The following ZNF532 variants were observed in gnomAD, a reference collection of about 807,000 sequenced individuals.
ZNF532 encodes the protein zinc finger protein 532.
In ZNF532, 22 loss-of-function variants were observed where a neutral mutation model predicts 89.3. The ratio of observed to expected loss-of-function variants is 0.25; its 90% CI spans 0.18 to 0.35. The LOEUF (loss-of-function observed/expected upper bound fraction) is 0.35, where lower values mean the gene tolerates loss of function less well. ZNF532 is among the 10% of genes least tolerant of loss of function. ZNF532 has a pLI of 1.00. For synonymous variants in ZNF532, 606 were observed against 649.6 expected, an observed-to-expected ratio of 0.93 and a Z score of 1.02; for missense variants, 1,132 against 1,643.4, an observed-to-expected ratio of 0.69 and a Z score of 5.38.
At chr18:58,946,582 T>C (rs1388733997) in intron 5 of ZNF532, among the ~76,000 whole-genome samples, 1 of 152,184 alleles carries the variant, frequency 6.6e-6, no homozygotes, top group Non-Finnish European at 1.5e-5. Context: ...TAGTTTTCTA[T>C]TTAACCACTT....
At chr18:58,877,328 G>C (rs118126323) in intron 2 of ZNF532, among the ~76,000 whole-genome samples, 1,823 of 152,320 alleles carry the variant, frequency 0.012, 13 homozygotes, top group Middle Eastern at 0.02. Flanking sequence ...CTGTCCTGGG[G>C]AAGGTTGCCT....
chr18:58,873,445 G>C (rs1198617559), intron 2 of ZNF532, among the ~76,000 whole-genome samples: 2 of 151,596 alleles, frequency 1.3e-5, no homozygotes, highest in Non-Finnish European at 2.9e-5. Context: ...TGATTTTGCT[G>C]ATTTTTTTTT....
intron 2 of ZNF532, among the ~76,000 whole-genome samples, chr18:58,904,582 A>C (rs952622615): frequency 6.6e-6 from 1 of 152,076 alleles, no homozygotes; most frequent in Non-Finnish European, 1.5e-5. Context: ...AGAGAGAAAT[A>C]ATTTCTTTCC....
At chr18:58,958,880 T>C (rs2065051834) in intron 7 of ZNF532, among the ~76,000 whole-genome samples, 1 of 152,252 alleles carries the variant, frequency 6.6e-6, no homozygotes, top group Admixed American at 6.5e-5. Flanking sequence ...CACAGAGTTT[T>C]ACATACAATT....
chr18:58,891,452 C>T (rs1448180886), intron 2 of ZNF532, among the ~76,000 whole-genome samples: 4 of 152,184 alleles, frequency 2.6e-5, no homozygotes, highest in Non-Finnish European at 5.9e-5. Context: ...ATCACCTGAA[C>T]CCAGGAGGCA....
chr18:58,910,380 A>G (rs2060205567), intron 2 of ZNF532, among the ~76,000 whole-genome samples: 1 of 152,216 alleles, frequency 6.6e-6, no homozygotes, highest in African/African-American at 2.4e-5. Flanking sequence ...ATGAATGACC[A>G]AAATTACAGT....
chr18:58,944,749 A>G (rs550341815), intron 5 of ZNF532, among the ~76,000 whole-genome samples: 7 of 152,340 alleles, frequency 4.6e-5, no homozygotes, highest in African/African-American at 9.6e-5. Context: ...TTTAAAAAAA[A>G]AATCAGCTGC....
At chr18:58,963,298 G>A (rs1223519441) in intron 7 of ZNF532, among the ~76,000 whole-genome samples, 2 of 152,096 alleles carry the variant, frequency 1.3e-5, no homozygotes, top group Non-Finnish European at 2.9e-5. Context: ...TCCATACAGG[G>A]TGCAGGTGAT....
intron 7 of ZNF532, among the ~76,000 whole-genome samples, chr18:58,978,040 A>ATAACCAAAGAATTTGTTTT (rs2147624780): frequency 6.6e-6 from 1 of 152,352 alleles, no homozygotes; most frequent in African/African-American, 2.4e-5. Context: ...TATGCATGTC[A>ATAACCAAAGAATTTGTTTT]TAACCAAAGA....
chr18:58,922,079 C>T (rs1248113978), intron 3 of ZNF532, among the ~76,000 whole-genome samples: 1 of 151,912 alleles, frequency 6.6e-6, no homozygotes, highest in Non-Finnish European at 1.5e-5. Flanking sequence ...GGCACTCCAG[C>T]CTCAGGTGAC....
chr18:58,872,641 T>TA (rs1380801236), intron 2 of ZNF532, among the ~76,000 whole-genome samples: 1 of 152,008 alleles, frequency 6.6e-6, no homozygotes, highest in African/African-American at 2.4e-5. Context: ...CCCAGCACTA[T>TA]AGTCCTAGCC....
At chr18:58,949,102 G>C (rs1411120335) in intron 6 of ZNF532, among the ~76,000 whole-genome samples, 1 of 151,708 alleles carries the variant, frequency 6.6e-6, no homozygotes, top group African/African-American at 2.4e-5. Flanking sequence ...ATGGTACCTG[G>C]CACCTGGTGG....
chr18:58,962,126 T>C (rs2065406434), intron 7 of ZNF532, among the ~76,000 whole-genome samples: 1 of 151,900 alleles, frequency 6.6e-6, no homozygotes, highest in Admixed American at 6.6e-5. Context: ...CTCAGGAGGC[T>C]GAGGCAGGAG....
chr18:58,945,362 G>C (rs2063560214), intron 5 of ZNF532, among the ~76,000 whole-genome samples: 1 of 152,204 alleles, frequency 6.6e-6, no homozygotes, highest in Non-Finnish European at 1.5e-5. Flanking sequence ...TGTCTTACAA[G>C]GTAGTGGTGA....
At chr18:58,930,367 C>T (rs1440738239) in intron 3 of ZNF532, among the ~76,000 whole-genome samples, 5 of 152,156 alleles carry the variant, frequency 3.3e-5, no homozygotes, top group Non-Finnish European at 7.3e-5. Context: ...TGGCTCACGC[C>T]TCTAATCCTA....
chr18:58,925,030 C>T (rs1257853034), intron 3 of ZNF532, among the ~76,000 whole-genome samples: 1 of 152,188 alleles, frequency 6.6e-6, no homozygotes, highest in Non-Finnish European at 1.5e-5. Context: ...TGAAAGACAT[C>T]TGCATTGGAT....
At chr18:58,913,946 T>C (rs570395530) in intron 2 of ZNF532, among the ~76,000 whole-genome samples, 55 of 152,244 alleles carry the variant, frequency 3.6e-4, no homozygotes, top group Non-Finnish European at 6.3e-4. Context: ...TGTTTCAGGA[T>C]TAAAGTTGGG....
intron 3 of ZNF532, among the ~76,000 whole-genome samples, chr18:58,933,610 A>G (rs1289153293): frequency 6.6e-6 from 1 of 152,148 alleles, no homozygotes; most frequent in Non-Finnish European, 1.5e-5. Context: ...GGTGGAAGTA[A>G]TAAGTCCTCA....
chr18:58,905,976 G>T (rs1006494065), intron 2 of ZNF532, among the ~76,000 whole-genome samples: 60 of 152,092 alleles, frequency 3.9e-4, no homozygotes, highest in African/African-American at 1.4e-3. Flanking sequence ...CTGTGGTCAG[G>T]CTGGGGTAGT....
Sources: allele counts gnomAD v4.1 joint callset (sites outside exome capture counted in the v4.1 genomes callset), GRCh38; gene constraint gnomAD v4.1.1; transcripts MANE v1.5; gene names NCBI Gene and HGNC (gene_info 2026-07-23, HGNC 2026-07-21).